SLC7A11: variants seen among roughly 807,000 people sequenced by gnomAD.
SLC7A11 encodes solute carrier family 7 member 11.
A neutral mutation model predicts 54.5 loss-of-function variants in SLC7A11; 35 were observed. That is an observed-to-expected ratio of 0.64 (90% CI 0.49 to 0.85). The LOEUF (loss-of-function observed/expected upper bound fraction) is 0.85, where lower values mean the gene tolerates loss of function less well. Ranked by LOEUF, SLC7A11 falls within the 40% of genes least tolerant of loss-of-function variation. The pLI is 0.00. For missense variants in SLC7A11, 583 were observed against 618.1 expected (o/e 0.94, Z 0.60); for synonymous variants, 230 against 225.2 (o/e 1.02, Z -0.19).
At chr4:138,196,192 C>A (rs1376933804) in intron 6 of SLC7A11, among the ~76,000 whole-genome samples, 2 of 152,158 alleles carry the variant, frequency 1.3e-5, no homozygotes, top group African/African-American at 2.4e-5. Context: ...AGCAGGAAAT[C>A]TCCTGAAGTT....
intron 3 of SLC7A11, among the ~76,000 whole-genome samples, chr4:138,227,112 T>C (rs1295347063): frequency 6.6e-6 from 1 of 152,242 alleles, no homozygotes; most frequent in Non-Finnish European, 1.5e-5. Context: ...TTCTGCACTA[T>C]GTAATTCAAG....
chr4:138,171,704 T>A lies in SLC7A11; in HGVS notation c.*252A>T. The stretch of plus-strand genomic sequence containing the variant: ...GTCTAGTCTTTTCTCCTAACCCCAA[T>A]AGGTAGGTATCAGAGACTCAAGAAT... On this transcript the variant is annotated 3_prime_UTR_variant, in exon 12 of 12. Transcript: ENST00000280612. The A allele has an allele frequency of 2.4e-6, 1 of 411,696 alleles. No individual in the cohort carries two copies. The highest frequency in any genetic ancestry group is 4.3e-6 in the Non-Finnish European group (1 of 234,940). The allele number at this position is 411,696 out of a possible 1,614,324, so 25.5% of individuals were successfully genotyped here.
At chr4:138,210,780 C>T (rs967847064) in intron 6 of SLC7A11, among the ~76,000 whole-genome samples, 3 of 152,040 alleles carry the variant, frequency 2.0e-5, no homozygotes, top group Non-Finnish European at 4.4e-5. Context: ...AAAGGGAATG[C>T]TTATACACTG....
In SLC7A11 at chr4:138,169,368, A is replaced by T. The variant is rs1045766547; in HGVS notation, c.*2588T>A. ...CTTCTCATGATGAGTCCTAAAAATAAGCCAAAATACTACTTAATCTCCATC... is the reference window on the plus strand; with the variant it reads ...CTTCTCATGATGAGTCCTAAAAATATGCCAAAATACTACTTAATCTCCATC... On this transcript the variant is annotated 3_prime_UTR_variant, in exon 12 of 12. Transcript: ENST00000280612. The T allele has an allele frequency of 3.9e-5, 6 of 152,142 alleles. No individual in the cohort carries two copies. The highest frequency in any genetic ancestry group is 1.4e-4 in the African/African-American group (6 of 41,458). 9.4% of individuals were successfully genotyped at this position (152,142 alleles called of 1,614,324 possible). A position where few individuals can be genotyped will look rare whatever the true frequency, so the allele number is the denominator to read the frequency against.
rs370802278 is a variant in SLC7A11, at chr4:138,167,181, C to T, written c.*4775G>A. ...TTTTTTTTTTTGAGATGAAGTCTCG[C>T]GCTCTTGTCCCCTAGGCTGGAGTGC... On this transcript the variant is annotated 3_prime_UTR_variant, in exon 12 of 12. Transcript: ENST00000280612. The T allele has an allele frequency of 8.4e-4, 110 of 131,384 alleles. No individual in the cohort carries two copies. The highest frequency in any genetic ancestry group is 2.5e-3 in the African/African-American group (87 of 34,196). 8.1% of individuals were successfully genotyped at this position (131,384 alleles called of 1,614,324 possible). A position where few individuals can be genotyped will look rare whatever the true frequency, so the allele number is the denominator to read the frequency against.
chr4:138,185,070 A>C (rs1736842086), intron 7 of SLC7A11, 51 bp downstream of exon 7: 1 of 1,603,682 alleles, frequency 6.2e-7, no homozygotes, highest in Admixed American at 1.7e-5. Flanking sequence ...ATAAAATTGC[A>C]TCAGCTCATT....
In SLC7A11 at chr4:138,170,213, A is replaced by G. The variant is rs1395643577; in HGVS notation, c.*1743T>C. On this transcript the variant is annotated 3_prime_UTR_variant, in exon 12 of 12. Coordinates refer to ENST00000280612, the MANE Select transcript of SLC7A11 (RefSeq NM_014331.4). ...CTCATTTGTAAGTTCCACTATATAT[A>G]TATATATATATATATAAAAAGTGTG... 3.9e-5 allele frequency: 5 copies of G among 128,744 alleles called. No homozygotes were observed. The highest frequency in any genetic ancestry group is 1.4e-4 in the African/African-American group (5 of 35,670). The allele number at this position is 128,744 out of a possible 1,614,324, so 8.0% of individuals were successfully genotyped here. A position where few individuals can be genotyped will look rare whatever the true frequency, so the allele number is the denominator to read the frequency against.
chr4:138,231,029 CTGCCAG>C (rs1427471601), intron 3 of SLC7A11, among the ~76,000 whole-genome samples: 1 of 152,080 alleles, frequency 6.6e-6, no homozygotes, highest in Non-Finnish European at 1.5e-5. Context: ...AATGTCTTTG[CTGCCAG>C]TAACATGGAT....
chr4:138,192,463 T>C (rs1226792748), intron 6 of SLC7A11, among the ~76,000 whole-genome samples: 1 of 152,144 alleles, frequency 6.6e-6, no homozygotes, highest in Non-Finnish European at 1.5e-5. Context: ...AATGGAGTGT[T>C]ATATAATTTT....
At chr4:138,190,712 T>C (rs1736989808) in intron 6 of SLC7A11, among the ~76,000 whole-genome samples, 2 of 152,200 alleles carry the variant, frequency 1.3e-5, no homozygotes, top group Admixed American at 6.6e-5. Flanking sequence ...TTTTCTTCCA[T>C]ACATTTTGAC....
At chr4:138,185,753 C>G (rs1467576102) in intron 6 of SLC7A11, among the ~76,000 whole-genome samples, 2 of 152,176 alleles carry the variant, frequency 1.3e-5, no homozygotes, top group Non-Finnish European at 2.9e-5. Flanking sequence ...CTTTAAAACA[C>G]TTTTCACATT....
intron 6 of SLC7A11, among the ~76,000 whole-genome samples, chr4:138,207,013 C>CAAA (rs58437583): frequency 7.5e-6 from 1 of 133,356 alleles, no homozygotes; most frequent in Non-Finnish European, 1.6e-5. Flanking sequence ...AAAAAAAAAA[C>CAAA]CCCCAGAGGG....
At chr4:138,207,776 A>G (rs1578653781) in intron 6 of SLC7A11, among the ~76,000 whole-genome samples, 2 of 152,152 alleles carry the variant, frequency 1.3e-5, no homozygotes, top group African/African-American at 4.8e-5. Flanking sequence ...AAAGGCTTCA[A>G]TTAACCTTTA....
chr4:138,203,763 A>G (rs1737342946), intron 6 of SLC7A11, among the ~76,000 whole-genome samples: 1 of 152,088 alleles, frequency 6.6e-6, no homozygotes, highest in Admixed American at 6.6e-5. Flanking sequence ...AAAATCCACT[A>G]AAATTGTCAT....
intron 6 of SLC7A11, among the ~76,000 whole-genome samples, chr4:138,203,351 T>C (rs1737333142): frequency 6.6e-6 from 1 of 152,146 alleles, no homozygotes; most frequent in Admixed American, 6.6e-5. Context: ...TCAATGCTTT[T>C]GAAATATAAA....
At position 138,198,000 on chromosome 4, in the gene SLC7A11, C is replaced by A. The variant is rs140935252; in HGVS notation, c.792-12756G>T. The stretch of plus-strand genomic sequence containing the variant: ...CATCAATATAATATAATGTAAGTAT[C>A]ATAAACTAAGGAGTAATATGACTAT... On this transcript the variant is annotated intron_variant, in intron 6 of 11. Coordinates refer to ENST00000280612, the MANE Select transcript of SLC7A11 (RefSeq NM_014331.4). Among the ~76,000 whole-genome samples, 397 of 149,788 alleles carry A rather than the reference C, an allele frequency of 2.7e-3. 4 individuals are homozygous for A. The East Asian group carries it at 0.04, about 15-fold the overall frequency.
Position 138,181,629 on chromosome 4 carries a change from C to T in SLC7A11, c.1116+668G>A, listed in dbSNP as rs112003142. On this transcript the variant is annotated intron_variant, in intron 9 of 11. Transcript: ENST00000280612. ...ATTCTGTGGTGCTCCTGACAACAGACTCCAGTTGAGAGAAATGTTACAAAA... is the reference window on the plus strand; with the variant it reads ...ATTCTGTGGTGCTCCTGACAACAGATTCCAGTTGAGAGAAATGTTACAAAA... 3.5e-3 allele frequency among the ~76,000 whole-genome samples: 531 copies of T among 152,204 alleles called. 1 individual carries two copies. The highest frequency in any genetic ancestry group is 0.012 in the African/African-American group (513 of 41,532).
At chr4:138,225,004 C>G (rs1369120362) in intron 3 of SLC7A11, among the ~76,000 whole-genome samples, 3 of 150,734 alleles carry the variant, frequency 2.0e-5, no homozygotes, top group Middle Eastern at 3.4e-3. Context: ...ATTTTGGTGG[C>G]TATAGTTTCA....
intron 6 of SLC7A11, among the ~76,000 whole-genome samples, chr4:138,213,694 A>G (rs1219360908): frequency 1.3e-5 from 2 of 152,060 alleles, no homozygotes; most frequent in African/African-American, 4.8e-5. Flanking sequence ...AACTGGATAA[A>G]TAATCTATTT....
Sources: allele counts gnomAD v4.1 joint callset (sites outside exome capture counted in the v4.1 genomes callset), GRCh38; gene constraint gnomAD v4.1.1; transcripts MANE v1.5; gene names NCBI Gene and HGNC (gene_info 2026-07-23, HGNC 2026-07-21).